MALRD1: variants seen among roughly 807,000 people sequenced by gnomAD.
MALRD1 encodes MAM and LDL receptor class A domain containing 1.
MALRD1 carries 247 observed loss-of-function variants against 242.1 expected under a neutral mutation model. The ratio of observed to expected loss-of-function variants is 1.02; its 90% CI spans 0.92 to 1.13. MALRD1 has a LOEUF of 1.13. MALRD1 is among the 50% of genes most tolerant of loss of function. The probability of loss-of-function intolerance (pLI) is 0.00; values close to 1 mark genes in which losing one functional copy is unlikely to be tolerated. For synonymous variants in MALRD1, 995 were observed against 866.6 expected (o/e 1.15, Z -2.60); for missense variants, 2,989 against 2,533.1 (o/e 1.18, Z -3.86).
intron 33 of MALRD1, among the ~76,000 whole-genome samples, chr10:19,585,450 G>C (rs369401627): frequency 5.3e-5 from 8 of 151,290 alleles, no homozygotes; most frequent in African/African-American, 7.3e-5. Flanking sequence ...ACATTTGCTT[G>C]TCTGTAAAGT....
chr10:19,518,662 A>G (rs61841396), intron 31 of MALRD1, among the ~76,000 whole-genome samples: 2,076 of 150,234 alleles, frequency 0.014, 23 homozygotes, highest in Middle Eastern at 0.031. Flanking sequence ...AATGGTGTGA[A>G]CATTTTTTTT....
At chr10:19,461,680 C>A (rs957076303) in intron 29 of MALRD1, among the ~76,000 whole-genome samples, 1 of 151,690 alleles carries the variant, frequency 6.6e-6, no homozygotes, top group African/African-American at 2.4e-5. Context: ...CCCATCTCTA[C>A]AAAAAATTTT....
At chr10:19,238,501 ATAATATATAATG>A (rs373479470) in intron 18 of MALRD1, among the ~76,000 whole-genome samples, 1,060 of 39,492 alleles carry the variant, frequency 0.027, 131 homozygotes, top group African/African-American at 0.11. Flanking sequence ...AATATATAAT[ATAATATATAATG>A]TATATTATAT....
intron 12 of MALRD1, among the ~76,000 whole-genome samples, chr10:19,155,929 A>G (rs1564428009): frequency 6.6e-6 from 1 of 152,216 alleles, no homozygotes; most frequent in Non-Finnish European, 1.5e-5. Context: ...TTCAGTAAAC[A>G]TAATTCCTTT....
chr10:19,482,799 AC>A (rs1837062723), intron 29 of MALRD1, among the ~76,000 whole-genome samples: 3 of 151,934 alleles, frequency 2.0e-5, no homozygotes, highest in African/African-American at 7.2e-5. Context: ...ATAACATAAC[AC>A]AAAAAATGTA....
At chr10:19,159,165 C>T (rs751467398) in intron 12 of MALRD1, among the ~76,000 whole-genome samples, 2 of 151,842 alleles carry the variant, frequency 1.3e-5, no homozygotes, top group Non-Finnish European at 2.9e-5. Flanking sequence ...AAAAGAATGC[C>T]CAGGAAAAAG....
intron 33 of MALRD1, among the ~76,000 whole-genome samples, chr10:19,591,940 C>G (rs938112701): frequency 6.6e-6 from 1 of 152,170 alleles, no homozygotes; most frequent in Non-Finnish European, 1.5e-5. Flanking sequence ...TAGTAGAATA[C>G]AGAATTTTCA....
chr10:19,053,430 T>C (rs1283445885), intron 1 of MALRD1, among the ~76,000 whole-genome samples: 3 of 152,138 alleles, frequency 2.0e-5, no homozygotes, highest in African/African-American at 7.2e-5. Flanking sequence ...CTCAAGATCC[T>C]CGGCAGGAAT....
chr10:19,222,493 A>C (rs1162850487), intron 18 of MALRD1, among the ~76,000 whole-genome samples: 2 of 152,220 alleles, frequency 1.3e-5, no homozygotes, highest in African/African-American at 4.8e-5. Flanking sequence ...TTAAATATAC[A>C]CGTGTAATAC....
chr10:19,574,362 A>G (rs568175763), intron 33 of MALRD1, among the ~76,000 whole-genome samples: 1 of 152,306 alleles, frequency 6.6e-6, no homozygotes, highest in South Asian at 2.1e-4. Flanking sequence ...AATATGTTGA[A>G]TGAAGAGATG....
chr10:19,204,622 C>T lies in MALRD1; in HGVS notation c.2210+209C>T, dbSNP rs1202195937. On this transcript the variant is annotated intron_variant, in intron 16 of 39. Transcript: ENST00000454679. ...TTTCTTTCTTAAGATGAAAGGGGCT[C>T]TTTCCCCCCAACCATGGATTATAAT... Among the ~76,000 whole-genome samples, 3 of 152,152 alleles carry T rather than the reference C, an allele frequency of 2.0e-5. No homozygotes were observed. In the East Asian group the frequency reaches 5.8e-4, roughly 29 times the overall value.
chr10:19,591,700 G>A (rs1199871198), intron 33 of MALRD1, among the ~76,000 whole-genome samples: 1 of 152,070 alleles, frequency 6.6e-6, no homozygotes, highest in East Asian at 1.9e-4. Flanking sequence ...GATTCACCGT[G>A]TTGACCAGGC....
intron 14 of MALRD1, among the ~76,000 whole-genome samples, chr10:19,179,365 T>A (rs913011970): frequency 2.6e-5 from 4 of 152,170 alleles, no homozygotes; most frequent in African/African-American, 9.6e-5. Context: ...TGGGGGTAGA[T>A]CTGGCTGGGT....
At chr10:19,495,851 C>T (rs1169503790) in intron 30 of MALRD1, among the ~76,000 whole-genome samples, 3 of 152,068 alleles carry the variant, frequency 2.0e-5, no homozygotes, top group Admixed American at 6.6e-5. Context: ...CAGTGACACC[C>T]GTAGGCTCAA....
chr10:19,131,126 A>G (rs992292351), intron 8 of MALRD1, among the ~76,000 whole-genome samples: 4 of 152,142 alleles, frequency 2.6e-5, no homozygotes, highest in Non-Finnish European at 5.9e-5. Context: ...ATCAAAGTAC[A>G]TTTAAGTCCC....
intron 26 of MALRD1, among the ~76,000 whole-genome samples, chr10:19,355,926 CATATATA>C: frequency 7.2e-6 from 1 of 139,612 alleles, no homozygotes; most frequent in Non-Finnish European, 1.5e-5. Context: ...GGTTATATAT[CATATATA>C]ATATATATAT....
intron 29 of MALRD1, among the ~76,000 whole-genome samples, chr10:19,454,718 A>ACG (rs1011565322): frequency 5.7e-5 from 6 of 104,800 alleles, no homozygotes; most frequent in Admixed American, 9.6e-5. Context: ...ACACGTACAC[A>ACG]CACACACACA....
In MALRD1 at chr10:19,327,660, G is replaced by C; in HGVS notation, c.3674G>C (p.Arg1225Pro). The change falls in exon 23 of 40, where the codon CGT becomes CCT. Residue 1225 changes from arginine (R) to proline (P), a missense_variant. By Grantham distance (103) the Arg-to-Pro change is moderately radical. Coordinates refer to ENST00000454679, the MANE Select transcript of MALRD1 (RefSeq NM_001142308.3). The part of the protein sequence containing the change: ...WKRAEVFLGI[R>P]SHTQIVFRAK... ...AGAGCAGAAGTGTTTTTAGGCATTCGTTCACATACACAGGTGTGTAATACA... is the reference window on the plus strand; with the variant it reads ...AGAGCAGAAGTGTTTTTAGGCATTCCTTCACATACACAGGTGTGTAATACA... The C allele has an allele frequency of 6.5e-7, 1 of 1,549,078 alleles. No homozygotes were observed. Among genetic ancestry groups the C allele is most frequent in the Non-Finnish European group, 8.7e-7 (1 of 1,145,878 alleles).
At chr10:19,444,464 T>C (rs1268376520) in intron 28 of MALRD1, among the ~76,000 whole-genome samples, 3 of 152,208 alleles carry the variant, frequency 2.0e-5, no homozygotes, top group Admixed American at 6.5e-5. Flanking sequence ...TCTTTCCATG[T>C]TTATTGCTTC....
Sources: allele counts gnomAD v4.1 joint callset (sites outside exome capture counted in the v4.1 genomes callset), GRCh38; gene constraint gnomAD v4.1.1; transcripts MANE v1.5; gene names NCBI Gene and HGNC (gene_info 2026-07-23, HGNC 2026-07-21).